The following NMT1 variants were observed in gnomAD, a reference collection of about 807,000 sequenced individuals.
NMT1 encodes N-myristoyltransferase 1.
In NMT1, 12 loss-of-function variants were observed where a neutral mutation model predicts 63.4. That is an observed-to-expected ratio of 0.19 (90% CI 0.12 to 0.31). The LOEUF is 0.31. NMT1 is among the 10% of genes least tolerant of loss of function. The pLI is 1.00. For missense variants in NMT1, 432 were observed against 634.6 expected (o/e 0.68, Z 3.43); for synonymous variants, 228 against 234.3 (o/e 0.97, Z 0.25).
intron 8 of NMT1, among the ~76,000 whole-genome samples, 181 bp from the exon 9 acceptor site, chr17:45,102,770 A>G (rs1210612088): frequency 6.6e-6 from 1 of 152,222 alleles, no homozygotes; most frequent in Non-Finnish European, 1.5e-5. Flanking sequence ...TGCCTGGACT[A>G]GGAGGGAAAG....
At chr17:45,064,439 A>G (rs372642993) in intron 1 of NMT1, among the ~76,000 whole-genome samples, 1 of 152,134 alleles carries the variant, frequency 6.6e-6, no homozygotes, top group Admixed American at 6.6e-5. Flanking sequence ...TTTTCCATGA[A>G]CTTTGAGAGG....
intron 7 of NMT1, 46 bp downstream of exon 7, chr17:45,098,598 C>G: frequency 1.3e-6 from 2 of 1,572,686 alleles, no homozygotes. Context: ...GGTGTCTGCA[C>G]TGTAGTTGAG....
At chr17:45,066,749 C>G (rs1466885199) in intron 1 of NMT1, among the ~76,000 whole-genome samples, 1 of 152,150 alleles carries the variant, frequency 6.6e-6, no homozygotes, top group Non-Finnish European at 1.5e-5. Context: ...GGGCCTCGCT[C>G]TGTCGTCCAG....
chr17:45,095,566 A>G lies in NMT1; in HGVS notation c.505-628A>G, dbSNP rs141109398. Among the ~76,000 whole-genome samples the G allele has an allele frequency of 3.0e-3, 456 of 152,284 alleles. 1 individual carries two copies. Among genetic ancestry groups the G allele is most frequent in the African/African-American group, 9.8e-3 (407 of 41,562 alleles). On this transcript the variant is annotated intron_variant, in intron 4 of 11. Transcript: ENST00000258960. The stretch of plus-strand genomic sequence containing the variant: ...GATTGAGCCCAGGAGTTCAAAATCA[A>G]TCAGCCGGGTCAATATAGTGAGACT...
At chr17:45,083,220 G>A (rs1209308836) in intron 2 of NMT1, among the ~76,000 whole-genome samples, 3 of 147,648 alleles carry the variant, frequency 2.0e-5, no homozygotes, top group East Asian at 2.0e-4. Flanking sequence ...TCAGGAGGCT[G>A]AGACAGGAGA....
chr17:45,097,084 G>C (rs2054129425), intron 5 of NMT1, 44 bp from the exon 6 acceptor site: 1 of 1,557,678 alleles, frequency 6.4e-7, no homozygotes, highest in African/African-American at 1.4e-5. Flanking sequence ...GGCTTGTCCA[G>C]CCTGCCGGCA....
rs1019365289 is a variant in NMT1, at chr17:45,089,243, C to T, written c.385+2591C>T. Among the ~76,000 whole-genome samples, 5 of 152,144 alleles carry T rather than the reference C, an allele frequency of 3.3e-5. No homozygotes were observed. In the South Asian group the frequency reaches 6.2e-4, roughly 19 times the overall value. On this transcript the variant is annotated intron_variant, in intron 3 of 11. Transcript: ENST00000258960. ...TTGGAGGACTAATGATTATAAATCT[C>T]GTGCATATCAGCTGCACTGTGTTTT...
rs116259965 is a variant in NMT1, at chr17:45,093,334, G to A, written c.386-351G>A. Among the ~76,000 whole-genome samples, 265 of 152,340 alleles carry A rather than the reference G, an allele frequency of 1.7e-3. 1 individual carries two copies. The highest frequency in any genetic ancestry group is 6.3e-3 in the African/African-American group (263 of 41,576). On this transcript the variant is annotated intron_variant, in intron 3 of 11. Coordinates refer to ENST00000258960, the MANE Select transcript of NMT1 (RefSeq NM_021079.5). ...TCCTTACAAACCCATCCAGACTGATGGGCCTGGGCCAGGGCCCTGACAGCA... is the reference window on the plus strand; with the variant it reads ...TCCTTACAAACCCATCCAGACTGATAGGCCTGGGCCAGGGCCCTGACAGCA...
At chr17:45,079,292 C>T (rs1051823568) in intron 1 of NMT1, among the ~76,000 whole-genome samples, 7 of 152,098 alleles carry the variant, frequency 4.6e-5, no homozygotes, top group South Asian at 2.1e-4. Flanking sequence ...TTAGTAGAGA[C>T]GGGGTTTCAC....
chr17:45,086,529 A>C lies in NMT1; in HGVS notation c.262A>C (p.Arg88=). 6.2e-7 allele frequency: 1 copy of C among 1,611,172 alleles called. No homozygotes were observed. The highest frequency in any genetic ancestry group is 8.5e-7 in the Non-Finnish European group (1 of 1,179,034). ...CCAGATGAACTCTTTGCCAGCAGAG[A>C]GGATCCAGGAAATACAGAAGGCCAT... ...PVKMNSLPAE[R]IQEIQKAIEL... Residue 88 remains arginine (R), a synonymous_variant, in exon 3 of 12, where the codon AGG becomes CGG. Coordinates refer to ENST00000258960, the MANE Select transcript of NMT1 (RefSeq NM_021079.5).
chr17:45,097,368 A>G, intron 6 of NMT1, 124 bp downstream of exon 6: 1 of 784,922 alleles, frequency 1.3e-6, no homozygotes, highest in Non-Finnish European at 2.3e-6. Context: ...GGAAGGGAGG[A>G]TGCCCAGGTG....
intron 1 of NMT1, among the ~76,000 whole-genome samples, chr17:45,075,484 TTA>T (rs2053971594): frequency 6.9e-6 from 1 of 144,162 alleles, no homozygotes. Context: ...GACTCTTGTC[TTA>T]AAAAAAAAAA....
chr17:45,095,678 A>AGGAGGATCGCTTGAAACCAGGAGTT (rs1393196615), intron 4 of NMT1, among the ~76,000 whole-genome samples: 1 of 152,178 alleles, frequency 6.6e-6, no homozygotes, highest in East Asian at 1.9e-4. Context: ...AGGCTGAAGT[A>AGGAGGATCGCTTGAAACCAGGAGTT]GGAGGATCGC....
In NMT1 at chr17:45,103,896, G is replaced by T. The variant is rs745778953; in HGVS notation, c.1332+20G>T. On this transcript the variant is annotated intron_variant, in intron 10 of 11. Coordinates refer to ENST00000258960, the MANE Select transcript of NMT1 (RefSeq NM_021079.5). The surrounding 1 kb of genome is among the most constrained non-coding windows in gnomAD (Gnocchi z 4.8). Reference sequence around the variant, plus strand: ...AAAATGGTGAGGAGCAGACGGGGGGGTCTCTGGAGATGTGCAGGGAAGAGG... The same window carrying T: ...AAAATGGTGAGGAGCAGACGGGGGGTTCTCTGGAGATGTGCAGGGAAGAGG... The T allele has an allele frequency of 4.3e-6, 7 of 1,612,174 alleles. No homozygotes were observed. Among genetic ancestry groups the T allele is most frequent in the Admixed American group, 3.3e-5 (2 of 60,008 alleles).
intron 1 of NMT1, 42 bp from the exon 2 acceptor site, chr17:45,081,602 A>G: frequency 1.3e-6 from 2 of 1,553,598 alleles, no homozygotes; most frequent in Non-Finnish European, 1.8e-6. Context: ...CACAAAACAG[A>G]TTTTTTTTAA....
At chr17:45,089,493 C>G (rs1009434865) in intron 3 of NMT1, among the ~76,000 whole-genome samples, 4 of 152,044 alleles carry the variant, frequency 2.6e-5, no homozygotes, top group Non-Finnish European at 5.9e-5. Context: ...AGGTGCCCAC[C>G]ACCACGCCCG....
At chr17:45,102,387 T>G (rs1205174109) in intron 8 of NMT1, among the ~76,000 whole-genome samples, 1 of 152,156 alleles carries the variant, frequency 6.6e-6, no homozygotes, top group Non-Finnish European at 1.5e-5. Context: ...GGGGATAAAA[T>G]CCTGGGAGTA....
At chr17:45,061,818 G>A (rs1416202927) in intron 1 of NMT1, 2 of 170,198 alleles carry the variant, frequency 1.2e-5, no homozygotes, top group Non-Finnish European at 2.5e-5. Context: ...TTATAGACGT[G>A]TTGTTTGAAC....
At chr17:45,091,890 G>A (rs139346204) in intron 3 of NMT1, among the ~76,000 whole-genome samples, 24 of 152,234 alleles carry the variant, frequency 1.6e-4, no homozygotes, top group Non-Finnish European at 2.8e-4. Context: ...GCGTAGTGGC[G>A]CATGCCTATA....
Sources: allele counts gnomAD v4.1 joint callset (sites outside exome capture counted in the v4.1 genomes callset), GRCh38; gene constraint gnomAD v4.1.1; non-coding constraint Gnocchi (gnomAD v3.1); transcripts MANE v1.5; gene names NCBI Gene and HGNC (gene_info 2026-07-23, HGNC 2026-07-21).